CYP3A5: variants seen among roughly 807,000 people sequenced by gnomAD.
The protein encoded by CYP3A5 is cytochrome P450 family 3 subfamily A member 5.
Under a neutral mutation model 55.9 loss-of-function variants are expected in CYP3A5, and 51 were observed. The observed-to-expected ratio is 0.91, with a 90% CI of 0.73 to 1.15. The LOEUF is 1.15. CYP3A5 is among the 50% of genes most tolerant of loss of function. The probability of loss-of-function intolerance (pLI) is 0.00; values close to 1 mark genes in which losing one functional copy is unlikely to be tolerated. For missense variants in CYP3A5, 533 were observed against 596.6 expected (o/e 0.89, Z 1.11); for synonymous variants, 196 against 213.9 (o/e 0.92, Z 0.73).
intron 6 of CYP3A5, among the ~76,000 whole-genome samples, chr7:99,665,993 C>G (rs1810978189): frequency 6.6e-6 from 1 of 152,246 alleles, no homozygotes; most frequent in Non-Finnish European, 1.5e-5. Flanking sequence ...TGTCCCAAGT[C>G]TGAACAGGAC....
At chr7:99,673,620 G>T (rs1050350666) in intron 3 of CYP3A5, among the ~76,000 whole-genome samples, 1 of 152,194 alleles carries the variant, frequency 6.6e-6, no homozygotes, top group Admixed American at 6.5e-5. Context: ...TTCCCAATCT[G>T]TTTCTCTATT....
intron 3 of CYP3A5, chr7:99,674,315 C>G: frequency 4.8e-6 from 2 of 416,934 alleles, no homozygotes. Context: ...GTCTTGTTTA[C>G]CTCCCTGAAT....
chr7:99,672,995 G>C (rs558188887), intron 3 of CYP3A5: 1 of 660,412 alleles, frequency 1.5e-6, no homozygotes, highest in Non-Finnish European at 2.0e-6. Flanking sequence ...TGGTACATAC[G>C]TGGGTATCTC....
intron 4 of CYP3A5, chr7:99,671,548 G>T: frequency 2.8e-6 from 1 of 355,866 alleles, no homozygotes; most frequent in Non-Finnish European, 5.1e-6. Context: ...CACAGAAAAT[G>T]AACCTTGATC....
chr7:99,655,741 T>C (rs1809658557), intron 10 of CYP3A5, among the ~76,000 whole-genome samples: 4 of 152,158 alleles, frequency 2.6e-5, no homozygotes, highest in Non-Finnish European at 4.4e-5. Context: ...TGTTTGTATC[T>C]TCTTTTATTT....
At position 99,660,486 on chromosome 7, in the gene CYP3A5, G is replaced by T. The variant is rs3735452; in HGVS notation, c.1026+13C>A. 6.2e-7 allele frequency: 1 copy of T among 1,601,984 alleles called. No individual in the cohort carries two copies. The highest frequency in any genetic ancestry group is 8.5e-7 in the Non-Finnish European group (1 of 1,174,072). On this transcript the variant is annotated intron_variant, in intron 10 of 12. Coordinates refer to ENST00000222982, the MANE Select transcript of CYP3A5 (RefSeq NM_000777.5). ...TCACCTCTTCCCTTCATCTCCAGGG[G>T]TCATCCCCTCACCTTATTGGGCAAA...
intron 11 of CYP3A5, among the ~76,000 whole-genome samples, chr7:99,651,608 A>G (rs950634619): frequency 1.3e-5 from 2 of 152,228 alleles, no homozygotes; most frequent in Admixed American, 6.5e-5. Flanking sequence ...CAACAAGACA[A>G]GGTTCCTCCC....
chr7:99,651,133 G>A (rs893987186), intron 11 of CYP3A5, among the ~76,000 whole-genome samples: 1 of 152,238 alleles, frequency 6.6e-6, no homozygotes, highest in African/African-American at 2.4e-5. Flanking sequence ...GCATTTGGAT[G>A]GGGCAGCTAA....
chr7:99,674,777 T>G (rs752597976), intron 2 of CYP3A5, among the ~76,000 whole-genome samples, 192 bp from the exon 3 acceptor site: 7 of 152,224 alleles, frequency 4.6e-5, no homozygotes, highest in Non-Finnish European at 1.0e-4. Flanking sequence ...GTGGGGAATT[T>G]AAAGTCACTC....
Position 99,665,152 on chromosome 7 carries a change from A to G in CYP3A5, c.670+14T>C, listed in dbSNP as rs757457070. 4 of 1,575,936 alleles carry G rather than the reference A, an allele frequency of 2.5e-6. No homozygotes were observed. Among genetic ancestry groups the G allele is most frequent in the Admixed American group, 1.8e-5 (1 of 54,276 alleles). On this transcript the variant is annotated intron_variant, in intron 7 of 12. Coordinates refer to ENST00000222982, the MANE Select transcript of CYP3A5 (RefSeq NM_000777.5). ...TATTTTTAAAAAGAGAGAAAGAAAT[A>G]ATAGCCCACATACTTATTGAGAGAA...
chr7:99,678,901 A>G (rs997095049), intron 1 of CYP3A5, among the ~76,000 whole-genome samples: 7 of 152,176 alleles, frequency 4.6e-5, no homozygotes, highest in African/African-American at 1.7e-4. Flanking sequence ...GTGGAAAGTA[A>G]CTCTTCTCTC....
chr7:99,669,232 G>A (rs1362511210), intron 4 of CYP3A5, among the ~76,000 whole-genome samples: 3 of 152,126 alleles, frequency 2.0e-5, no homozygotes, highest in Non-Finnish European at 4.4e-5. Context: ...AATTTCCACG[G>A]AATTTGTGCC....
intron 10 of CYP3A5, among the ~76,000 whole-genome samples, chr7:99,656,870 G>T (rs1312139925): frequency 6.6e-6 from 1 of 152,186 alleles, no homozygotes; most frequent in Non-Finnish European, 1.5e-5. Context: ...TATTTGCATA[G>T]AGGTGTTTAT....
At chr7:99,675,092 A>G (rs1272901546) in intron 2 of CYP3A5, among the ~76,000 whole-genome samples, 2 of 152,238 alleles carry the variant, frequency 1.3e-5, no homozygotes, top group African/African-American at 2.4e-5. Context: ...GCAGATTTAG[A>G]TAAGTCTAAG....
At chr7:99,666,516 C>T (rs1438871276) in intron 6 of CYP3A5, 85 bp downstream of exon 6, 1 of 1,405,500 alleles carries the variant, frequency 7.1e-7, no homozygotes, top group African/African-American at 1.4e-5. Flanking sequence ...ACTGGAGTAA[C>T]CCAACAGTGC....
chr7:99,667,106 G>A (rs1467385453), intron 4 of CYP3A5, 41 bp from the exon 5 acceptor site: 1 of 1,566,502 alleles, frequency 6.4e-7, no homozygotes, highest in African/African-American at 1.4e-5. Flanking sequence ...ATTAGTTGTG[G>A]TGATCTTCAT....
Position 99,654,614 on chromosome 7 carries a change from G to T in CYP3A5, c.1027-1835C>A, listed in dbSNP as rs1186925097. On this transcript the variant is annotated intron_variant, in intron 10 of 12. Coordinates refer to ENST00000222982, the MANE Select transcript of CYP3A5 (RefSeq NM_000777.5). ...ATATACCCAGTAATGGGATGGCTGGGTCAAATGGTATTTCTAGTTCTAGAT... is the reference window on the plus strand; with the variant it reads ...ATATACCCAGTAATGGGATGGCTGGTTCAAATGGTATTTCTAGTTCTAGAT... Among the ~76,000 whole-genome samples the T allele has an allele frequency of 3.9e-5, 6 of 152,176 alleles. No individual in the cohort carries two copies. The South Asian group carries it at 1.0e-3, about 26-fold the overall frequency.
Position 99,672,634 on chromosome 7 carries a change from G to C in CYP3A5, c.264C>G (p.Asp88Glu), listed in dbSNP as rs201165536. 6.2e-7 allele frequency: 1 copy of C among 1,614,058 alleles called. No homozygotes were observed. Among genetic ancestry groups the C allele is most frequent in the African/African-American group, 1.3e-5 (1 of 75,006 alleles). ...CTTTCACTAGCACTGTTCTGATCAC[G>C]TCGGGATCTGTGATGGCCAGCACAG... is the stretch of plus-strand genomic sequence containing the variant. ...QLPVLAITDP[D>E]VIRTVLVKEC... Residue 88 changes from aspartate to glutamate, a missense_variant, in exon 4 of 13, where the codon GAC becomes GAG. Coordinates refer to ENST00000222982, the MANE Select transcript of CYP3A5 (RefSeq NM_000777.5).
At chr7:99,663,077 A>G in intron 8 of CYP3A5, 195 bp from the exon 9 acceptor site, 1 of 1,326,044 alleles carries the variant, frequency 7.5e-7, no homozygotes, top group South Asian at 1.8e-5. Context: ...TGTTTTCCTG[A>G]AACAAATCTA....
Sources: allele counts gnomAD v4.1 joint callset (sites outside exome capture counted in the v4.1 genomes callset), GRCh38; gene constraint gnomAD v4.1.1; transcripts MANE v1.5; gene names NCBI Gene and HGNC (gene_info 2026-07-23, HGNC 2026-07-21).